Variants in TRIP11 observed in about 807,000 individuals in gnomAD.
TRIP11 encodes thyroid hormone receptor interactor 11, also known as thyroid receptor-interacting protein 11.
TRIP11 carries 148 observed loss-of-function variants against 223.1 expected under a neutral mutation model. The ratio of observed to expected loss-of-function variants is 0.66; its 90% confidence interval spans 0.58 to 0.76. The LOEUF (loss-of-function observed/expected upper bound fraction) is 0.76, where lower values mean the gene tolerates loss of function less well. Ranked by LOEUF, TRIP11 falls within the 30% of genes least tolerant of loss-of-function variation. TRIP11 has a pLI of 0.00. For missense variants in TRIP11, 2,043 were observed against 2,222.0 expected, an observed-to-expected ratio of 0.92 and a Z score of 1.62; for synonymous variants, 762 against 772.6, an observed-to-expected ratio of 0.99 and a Z score of 0.23.
intron 4 of TRIP11, 76 bp from the exon 5 acceptor site, chr14:92,017,826 T>G: frequency 3.2e-6 from 4 of 1,267,366 alleles, no homozygotes; most frequent in Non-Finnish European, 1.1e-6. Flanking sequence ...CTAACTTCAT[T>G]ACAAGAATAC....
chr14:92,039,627 C>T lies in TRIP11; in HGVS notation c.59G>A (p.Gly20Glu), dbSNP rs775582749. ...SGLGQSLGQV[G>E]GSLASLTGQI... is the part of the protein sequence containing the mutation. ...GCCAGTGAGGGAAGCCAGGCTGCCC[C>T]CGACTTGACCCAGAGACTGGCCCAA... Residue 20 changes from glycine (G) to glutamate (E), a missense_variant, in exon 1 of 21, where the codon GGG (glycine) becomes GAG (glutamate). Physicochemically the swap from Gly to Glu is moderately conservative, Grantham distance 98 (BLOSUM62 -2). Coordinates refer to ENST00000267622, the MANE Select transcript of TRIP11 (RefSeq NM_004239.4). 2 of 1,612,558 alleles carry T rather than the reference C, an allele frequency of 1.2e-6. No individual in the cohort carries two copies. The highest frequency in any genetic ancestry group is 2.7e-5 in the African/African-American group (2 of 74,914).
At chr14:91,975,073 A>G in intron 18 of TRIP11, 99 bp downstream of exon 18, 1 of 1,095,356 alleles carries the variant, frequency 9.1e-7, no homozygotes, top group South Asian at 1.3e-5. Context: ...TGAGAAAATT[A>G]CACTCAGTAA....
intron 6 of TRIP11, among the ~76,000 whole-genome samples, chr14:92,014,903 G>C (rs1364350231): frequency 2.2e-5 from 3 of 135,390 alleles, no homozygotes; most frequent in African/African-American, 3.1e-5. Context: ...CATTTTCACA[G>C]AATTTTTTTT....
intron 10 of TRIP11, among the ~76,000 whole-genome samples, chr14:92,007,117 C>T (rs542666399): frequency 2.0e-5 from 3 of 151,836 alleles, no homozygotes; most frequent in Non-Finnish European, 2.9e-5. Flanking sequence ...CCTCTGCCTC[C>T]TGGGTTCAAG....
intron 4 of TRIP11, 123 bp downstream of exon 4, chr14:92,021,433 T>C: frequency 1.2e-6 from 1 of 856,642 alleles, no homozygotes. Context: ...GGAATTAGAA[T>C]ACACCTTTTC....
chr14:92,029,824 T>C (rs2057240750), intron 2 of TRIP11, among the ~76,000 whole-genome samples: 1 of 152,174 alleles, frequency 6.6e-6, no homozygotes. Context: ...CTAATGGTTA[T>C]GGTGAAACTG....
chr14:92,039,680 C>T lies in TRIP11; in HGVS notation c.6G>A (p.Ser2=). M[S]SWLGGLGSGL... is the part of the protein sequence containing the mutation. ...CGGAGCCGAGGCCCCCAAGCCAGGA[C>T]GACATCGCGGCGAGTTTAGAGAACG... Residue 2 remains serine (S), a synonymous_variant, in exon 1 of 21, where the codon TCG becomes TCA. Transcript: ENST00000267622. 6.2e-7 allele frequency: 1 copy of T among 1,611,986 alleles called. No homozygotes were observed.
chr14:92,035,369 T>C (rs1015615291), intron 1 of TRIP11, among the ~76,000 whole-genome samples: 3 of 151,828 alleles, frequency 2.0e-5, no homozygotes, highest in Non-Finnish European at 4.4e-5. Context: ...AGATTTTTTT[T>C]CTAAGTACTA....
chr14:91,974,488 T>C (rs1447021077), intron 19 of TRIP11, 139 bp downstream of exon 19: 3 of 701,638 alleles, frequency 4.3e-6, no homozygotes, highest in Admixed American at 4.7e-5. Context: ...TAATCACCTC[T>C]CTGGAACTCA....
chr14:92,020,593 C>T (rs1337776293), intron 4 of TRIP11, among the ~76,000 whole-genome samples: 1 of 151,310 alleles, frequency 6.6e-6, no homozygotes, highest in Non-Finnish European at 1.5e-5. Flanking sequence ...AGAGGAGTCT[C>T]AGGGACTCCA....
At chr14:92,002,373 T>C (rs994230571) in intron 11 of TRIP11, among the ~76,000 whole-genome samples, 16 of 152,076 alleles carry the variant, frequency 1.1e-4, no homozygotes, top group African/African-American at 3.1e-4. Context: ...CAAAATCACA[T>C]CAGTGACAGA....
At chr14:91,986,196 C>T (rs1444729392) in intron 16 of TRIP11, among the ~76,000 whole-genome samples, 5 of 152,126 alleles carry the variant, frequency 3.3e-5, no homozygotes, top group Non-Finnish European at 7.4e-5. Flanking sequence ...TAGTATTTTC[C>T]ACCTAAGCTT....
At chr14:92,029,381 T>C (rs1242338917) in intron 2 of TRIP11, among the ~76,000 whole-genome samples, 2 of 139,114 alleles carry the variant, frequency 1.4e-5, no homozygotes, top group African/African-American at 5.5e-5. Flanking sequence ...CTGCAACCTC[T>C]GCCTCCCAGG....
At chr14:92,033,363 A>C (rs2057289837) in intron 1 of TRIP11, 110 bp from the exon 2 acceptor site, 1 of 812,606 alleles carries the variant, frequency 1.2e-6, no homozygotes, top group Non-Finnish European at 2.0e-6. Context: ...TAGTAGGCTG[A>C]TATGAAAGCA....
In TRIP11 at chr14:92,014,470, G is replaced by C. The variant is rs1167529772; in HGVS notation, c.931C>G (p.Leu311Val). The C allele has an allele frequency of 6.3e-7, 1 of 1,595,482 alleles. No homozygotes were observed. Among genetic ancestry groups the C allele is most frequent in the African/African-American group, 1.4e-5 (1 of 73,806 alleles). The change falls in exon 7 of 21, where the codon CTT becomes GTT. Residue 311 changes from leucine (L) to valine (V), a missense_variant. Physicochemically the swap from Leu to Val is conservative, Grantham distance 32. Coordinates refer to ENST00000267622, the MANE Select transcript of TRIP11 (RefSeq NM_004239.4). ...TTTATATCTTTTATTTTATCCTCAA[G>C]TTGTTCCATTTTTTTGGTAGACTCC... ...KVESTKKMEQ[L>V]EDKIKDINKK...
intron 16 of TRIP11, among the ~76,000 whole-genome samples, chr14:91,985,410 T>G (rs1392692551): frequency 9.3e-6 from 1 of 107,176 alleles, no homozygotes; most frequent in Non-Finnish European, 1.9e-5. Context: ...CAGATGCACA[T>G]ACATACTCTT....
intron 2 of TRIP11, among the ~76,000 whole-genome samples, chr14:92,025,805 G>C (rs1456851735): frequency 1.3e-5 from 2 of 151,928 alleles, no homozygotes; most frequent in South Asian, 4.2e-4. Flanking sequence ...GCTTGAACCC[G>C]GGAGGCGGAG....
At chr14:91,970,595 G>A (rs950243720) in intron 20 of TRIP11, among the ~76,000 whole-genome samples, 2 of 152,098 alleles carry the variant, frequency 1.3e-5, no homozygotes, top group Non-Finnish European at 2.9e-5. Context: ...TGGCCCCCAA[G>A]TAAATTTAAT....
intron 11 of TRIP11, among the ~76,000 whole-genome samples, chr14:92,002,866 C>T (rs1485865726): frequency 6.6e-6 from 1 of 152,102 alleles, no homozygotes; most frequent in East Asian, 1.9e-4. Context: ...CAGGCATGAG[C>T]CACCGCGCCC....
Sources: gnomAD v4.1 joint callset for allele counts (sites outside exome capture counted in the v4.1 genomes callset) on GRCh38, gnomAD v4.1.1 for gene constraint, MANE v1.5 for transcripts, NCBI Gene and HGNC (gene_info 2026-07-23, HGNC 2026-07-21) for gene names.